Variants in ZNF226 observed in about 807,000 individuals in gnomAD.
ZNF226 encodes zinc finger protein 226, also known as Kruppel-associated box protein.
A neutral mutation model predicts 11.4 loss-of-function variants in ZNF226; 6 were observed. The observed-to-expected ratio is 0.53, with a 90% CI of 0.29 to 1.04. The LOEUF (loss-of-function observed/expected upper bound fraction) is 1.04, where lower values mean the gene tolerates loss of function less well. Among genes scored for constraint, ZNF226 ranks in the 50% least tolerant of loss-of-function variants. ZNF226 has a pLI of 0.08. For synonymous variants in ZNF226, 350 were observed against 322.8 expected (o/e 1.08, Z -0.90); for missense variants, 1,058 against 956.5 (o/e 1.11, Z -1.40).
At chr19:44,187,457 C>T in the ZNF226 span, among the ~76,000 whole-genome samples, 394 of 151,922 alleles carry the variant, frequency 2.6e-3, 1 homozygote, top group Non-Finnish European at 4.4e-3. The surrounding 1 kb of genome is among the most constrained non-coding windows in gnomAD (Gnocchi z 4.0). Context: ...TGACATCAGT[C>T]ATAATGTCTC....
the ZNF226 span, among the ~76,000 whole-genome samples, chr19:44,185,618 T>C: frequency 2.6e-5 from 4 of 152,280 alleles, no homozygotes; most frequent in East Asian, 5.8e-4. Flanking sequence ...TTTGTTGTTG[T>C]TGTTATAGAG....
intron 5 of ZNF226, chr19:44,174,797 AT>A (rs1970529974): frequency 4.7e-6 from 2 of 425,762 alleles, no homozygotes; most frequent in Non-Finnish European, 8.1e-6. Flanking sequence ...TAGCCTTCCA[AT>A]TTTGACTCAG....
the ZNF226 span, among the ~76,000 whole-genome samples, chr19:44,195,809 G>A: frequency 6.6e-6 from 1 of 152,174 alleles, no homozygotes; most frequent in African/African-American, 2.4e-5. Context: ...CTGCTACGGT[G>A]ACACCAGTCT....
At chr19:44,198,199 A>G in the ZNF226 span, among the ~76,000 whole-genome samples, 1 of 152,170 alleles carries the variant, frequency 6.6e-6, no homozygotes, top group Admixed American at 6.5e-5. Flanking sequence ...CACACTTTTA[A>G]TTACTGCAAA....
rs770572795 is a variant in ZNF226, at chr19:44,175,063, G to A, written c.236-435G>A. ...GGATTTGAAGTTAGAAGAAATGTTG[G>A]AAGTCATTTATATATGAAGAAATGT... On this transcript the variant is annotated intron_variant, in intron 5 of 5. Transcript: ENST00000337433. 8 of 1,609,350 alleles carry A rather than the reference G, an allele frequency of 5.0e-6. No homozygotes were observed. In the East Asian group the frequency reaches 1.8e-4, roughly 36 times the overall value.
chr19:44,171,942 C>G, intron 3 of ZNF226, 146 bp from the exon 4 acceptor site: 1 of 1,007,164 alleles, frequency 9.9e-7, no homozygotes, highest in Non-Finnish European at 1.5e-6. Flanking sequence ...TTTGGTAAGT[C>G]AGTGTATGGC....
At chr19:44,196,009 G>C in the ZNF226 span, among the ~76,000 whole-genome samples, 1 of 151,800 alleles carries the variant, frequency 6.6e-6, no homozygotes, top group Admixed American at 6.6e-5. Flanking sequence ...ATTCCCATTT[G>C]TTAGAATTTT....
rs1298591277 is a variant in ZNF226 at position 44,177,193 on chromosome 19, A to T, written c.1931A>T (p.Lys644Ile). The T allele has an allele frequency of 6.2e-7, 1 of 1,613,754 alleles. No homozygotes were observed. The highest frequency in any genetic ancestry group is 8.5e-7 in the Non-Finnish European group (1 of 1,179,966). The change falls in exon 6 of 6, where the codon AAA becomes ATA. Residue 644 changes from lysine (K) to isoleucine (I), a missense_variant. Transcript: ENST00000337433. ...GTCCACAGTGGAGAAAAACCATTCAAATGTGAAGAATGTGGGAAGAGTTTC... is the reference window on the plus strand; with the variant it reads ...GTCCACAGTGGAGAAAAACCATTCATATGTGAAGAATGTGGGAAGAGTTTC... Reference protein sequence around the residue: ...QRVHSGEKPFKCEECGKSFGR... With the variant: ...QRVHSGEKPFICEECGKSFGR...
the ZNF226 span, among the ~76,000 whole-genome samples, chr19:44,199,258 T>C: frequency 6.6e-6 from 1 of 152,076 alleles, no homozygotes; most frequent in South Asian, 2.1e-4. Context: ...CACTGCAACC[T>C]CTGCCTCCCC....
At chr19:44,171,785 A>T (rs368686635) in intron 3 of ZNF226, among the ~76,000 whole-genome samples, 1 of 152,198 alleles carries the variant, frequency 6.6e-6, no homozygotes, top group Non-Finnish European at 1.5e-5. Context: ...GCTATCAAAC[A>T]CTATTGGGAC....
In ZNF226 at chr19:44,172,149, GC is replaced by G. The variant is rs780817836; in HGVS notation, c.80del (p.Pro27LeufsTer10). 2 of 1,613,198 alleles carry G rather than the reference GC, an allele frequency of 1.2e-6. No homozygotes were observed. Among genetic ancestry groups the G allele is most frequent in the East Asian group, 2.2e-5 (1 of 44,864 alleles). ...AFTEEELGLL[G>X]PAQRKLYRDV... ...ACGGAGGAGGAATTGGGGCTGCTGG[GC>G]CCTGCCCAGAGGAAGCTGTACCGAG... On this transcript the variant is annotated frameshift_variant, in exon 4 of 6. Transcript: ENST00000337433. LOFTEE classifies it high-confidence loss of function.
intron 5 of ZNF226, 167 bp from the exon 6 acceptor site, chr19:44,175,331 A>C: frequency 7.1e-7 from 1 of 1,412,282 alleles, no homozygotes; most frequent in South Asian, 1.7e-5. Context: ...GTTTTGGACC[A>C]TCTCTTGGTT....
chr19:44,181,987 T>C (rs923546075), downstream of ZNF226, among the ~76,000 whole-genome samples: 1 of 152,084 alleles, frequency 6.6e-6, no homozygotes, highest in African/African-American at 2.4e-5. Flanking sequence ...GAGAAATAGA[T>C]ATGGTTGTAG....
the ZNF226 span, among the ~76,000 whole-genome samples, chr19:44,193,008 T>C: frequency 6.6e-6 from 1 of 152,150 alleles, no homozygotes; most frequent in Non-Finnish European, 1.5e-5. Flanking sequence ...AAGAAAATTG[T>C]CTGACAAATA....
rs754291681 is a variant in ZNF226 at position 44,175,018 on chromosome 19, C to T, written c.236-480C>T. The T allele has an allele frequency of 2.5e-6, 4 of 1,610,960 alleles. No individual in the cohort carries two copies. The Admixed American group carries it at 5.0e-5, about 20-fold the overall frequency. On this transcript the variant is annotated intron_variant, in intron 5 of 5. Coordinates refer to ENST00000337433, the MANE Select transcript of ZNF226 (RefSeq NM_001032373.2). ...TTGTAAAAGCTCTTTTGCTCTATGACCTGGCTCAAACTTAAACTTGGATTT... is the reference window on the plus strand; with the variant it reads ...TTGTAAAAGCTCTTTTGCTCTATGATCTGGCTCAAACTTAAACTTGGATTT...
At position 44,177,378 on chromosome 19, in the gene ZNF226, A is replaced by G; in HGVS notation, c.2116A>G (p.Lys706Glu). The G allele has an allele frequency of 1.9e-6, 3 of 1,614,082 alleles. No individual in the cohort carries two copies. Among genetic ancestry groups the G allele is most frequent in the Non-Finnish European group, 2.5e-6 (3 of 1,180,004 alleles). Reference sequence around the variant, plus strand: ...ACCATATAAATGTGGGGAGTGTGGTAAGTACTTCAGTCAGGCCTCAAGTCT... The same window carrying G: ...ACCATATAAATGTGGGGAGTGTGGTGAGTACTTCAGTCAGGCCTCAAGTCT... ...EKPYKCGECG[K>E]YFSQASSLQL... Residue 706 changes from lysine to glutamate, a missense_variant, in exon 6 of 6, where the codon AAG (lysine) becomes GAG (glutamate). Transcript: ENST00000337433.
intron 4 of ZNF226, 42 bp from the exon 5 acceptor site, chr19:44,172,818 C>A: frequency 6.6e-7 from 1 of 1,513,308 alleles, no homozygotes; most frequent in Non-Finnish European, 9.0e-7. Context: ...TATTTTAACT[C>A]TAATATGTTC....
At chr19:44,172,028 TG>T (rs1401425281) in intron 3 of ZNF226, 59 bp from the exon 4 acceptor site, 12 of 1,588,462 alleles carry the variant, frequency 7.6e-6, no homozygotes, top group Non-Finnish European at 8.6e-6. Flanking sequence ...CTGTTCTCAG[TG>T]TTACCCATCT....
chr19:44,176,953 G>A lies in ZNF226; in HGVS notation c.1691G>A (p.Cys564Tyr), dbSNP rs1481085279. Residue 564 changes from cysteine to tyrosine, a missense_variant, in exon 6 of 6, where the codon TGT becomes TAT. Transcript: ENST00000337433. ...GAGAAACCTTTTAAGTGTGAGGAGTGTGGGCAGGGTTTCAATCAGAGCTCA... is the reference window on the plus strand; with the variant it reads ...GAGAAACCTTTTAAGTGTGAGGAGTATGGGCAGGGTTTCAATCAGAGCTCA... ...SIEKPFKCEE[C>Y]GQGFNQSSRL... The A allele has an allele frequency of 6.2e-7, 1 of 1,613,974 alleles. No homozygotes were observed. The highest frequency in any genetic ancestry group is 1.1e-5 in the South Asian group (1 of 91,086).
Sources: allele counts gnomAD v4.1 joint callset (sites outside exome capture counted in the v4.1 genomes callset), GRCh38; gene constraint gnomAD v4.1.1; non-coding constraint Gnocchi (gnomAD v3.1); transcripts MANE v1.5; gene names NCBI Gene and HGNC (gene_info 2026-07-23, HGNC 2026-07-21).